Variants in CSMD3 observed in about 807,000 individuals in gnomAD.
CSMD3 encodes the protein CUB and Sushi multiple domains 3.
CSMD3 carries 177 observed loss-of-function variants against 435.2 expected under a neutral mutation model. The observed-to-expected ratio is 0.41, with a 90% CI of 0.36 to 0.46. CSMD3 has a LOEUF of 0.46. CSMD3 is among the 20% of genes least tolerant of loss of function. The pLI, the probability that CSMD3 is intolerant of heterozygous loss-of-function variation, is 0.34. For missense variants in CSMD3, 4,265 were observed against 4,504.6 expected (o/e 0.95, Z 1.52); for synonymous variants, 1,656 against 1,520.5 (o/e 1.09, Z -2.07).
At chr8:113,261,908 T>G (rs572775703) in intron 3 of CSMD3, among the ~76,000 whole-genome samples, 2 of 152,076 alleles carry the variant, frequency 1.3e-5, no homozygotes, top group Non-Finnish European at 2.9e-5. Context: ...GGATGTTGTA[T>G]CATTTGCTCC....
chr8:113,352,190 A>G (rs935291607), intron 1 of CSMD3, among the ~76,000 whole-genome samples: 10 of 152,082 alleles, frequency 6.6e-5, no homozygotes, highest in Admixed American at 5.2e-4. Context: ...TTTCAGATAT[A>G]ATTATAGTAA....
chr8:112,299,919 T>G (rs1174190592), intron 53 of CSMD3, among the ~76,000 whole-genome samples: 4 of 151,602 alleles, frequency 2.6e-5, no homozygotes, highest in African/African-American at 9.7e-5. Context: ...GCCCTGTCTT[T>G]CCAGAGAACA....
intron 30 of CSMD3, among the ~76,000 whole-genome samples, chr8:112,499,978 T>G (rs10098507): frequency 0.36 from 54,618 of 151,832 alleles, 10,072 homozygotes; most frequent in East Asian, 0.5. Flanking sequence ...GCATGGTGGC[T>G]CATGCCTGTA....
chr8:112,227,305 C>A (rs1339793927), intron 70 of CSMD3, among the ~76,000 whole-genome samples: 1 of 152,040 alleles, frequency 6.6e-6, no homozygotes, highest in Non-Finnish European at 1.5e-5. Flanking sequence ...GTTTAAGAAG[C>A]CAGATACAAA....
intron 5 of CSMD3, among the ~76,000 whole-genome samples, chr8:113,093,260 A>G (rs1347523328): frequency 6.6e-6 from 1 of 152,102 alleles, no homozygotes; most frequent in East Asian, 1.9e-4. Context: ...TGCATTCCAA[A>G]GTAGGGTGAA....
chr8:112,792,098 T>A (rs1342854840), intron 13 of CSMD3, among the ~76,000 whole-genome samples: 1 of 152,218 alleles, frequency 6.6e-6, no homozygotes, highest in African/African-American at 2.4e-5. Context: ...TTATTAAATA[T>A]GTTTCTGCAA....
intron 32 of CSMD3, among the ~76,000 whole-genome samples, chr8:112,453,146 A>C (rs1265993763): frequency 3.9e-5 from 6 of 152,160 alleles, no homozygotes; most frequent in Non-Finnish European, 7.4e-5. Flanking sequence ...CAGAACTGGG[A>C]TGAAAATCCA....
intron 17 of CSMD3, among the ~76,000 whole-genome samples, chr8:112,660,293 AG>A (rs937755950): frequency 2.0e-5 from 3 of 152,184 alleles, no homozygotes; most frequent in African/African-American, 7.2e-5. Context: ...CCACTGATCA[AG>A]GAAGTGATAG....
At chr8:113,238,776 A>T (rs2093178632) in intron 3 of CSMD3, among the ~76,000 whole-genome samples, 1 of 152,114 alleles carries the variant, frequency 6.6e-6, no homozygotes, top group African/African-American at 2.4e-5. Context: ...TCTATATGTG[A>T]TTCTTCCTAA....
intron 11 of CSMD3, among the ~76,000 whole-genome samples, chr8:112,839,239 C>T (rs2080112448): frequency 6.6e-6 from 1 of 151,612 alleles, no homozygotes. Flanking sequence ...GTGATAAAAG[C>T]TTTTAGCTTT....
Position 113,117,874 on chromosome 8 carries a change from A to G in CSMD3, c.710-18911T>C, listed in dbSNP as rs538769271. On this transcript the variant is annotated intron_variant, in intron 4 of 70. Transcript: ENST00000297405. ...CCCTTTGTTTTGGCCAATTTCTCCC[A>G]CTTGGAGCAGGCGTATTTGCCCAAT... Among the ~76,000 whole-genome samples the G allele has an allele frequency of 3.9e-4, 60 of 152,290 alleles. 1 individual carries two copies. The highest frequency in any genetic ancestry group is 1.4e-3 in the African/African-American group (58 of 41,572).
intron 1 of CSMD3, among the ~76,000 whole-genome samples, chr8:113,356,312 A>T (rs1027403626): frequency 6.6e-6 from 1 of 152,156 alleles, no homozygotes; most frequent in African/African-American, 2.4e-5. Context: ...GAGGAAAAAA[A>T]TTGGCTGCCC....
At chr8:112,407,888 A>G (rs1831998809) in intron 34 of CSMD3, among the ~76,000 whole-genome samples, 1 of 152,162 alleles carries the variant, frequency 6.6e-6, no homozygotes, top group Non-Finnish European at 1.5e-5. Context: ...TTCTCCTGAG[A>G]GAATGAGAAA....
chr8:112,448,005 C>T (rs1340762007), intron 32 of CSMD3, among the ~76,000 whole-genome samples: 1 of 152,092 alleles, frequency 6.6e-6, no homozygotes, highest in Non-Finnish European at 1.5e-5. Context: ...TAGATGAGGC[C>T]ATACTAGACC....
At chr8:113,352,655 G>T (rs551585728) in intron 1 of CSMD3, among the ~76,000 whole-genome samples, 1 of 152,120 alleles carries the variant, frequency 6.6e-6, no homozygotes, top group Non-Finnish European at 1.5e-5. Context: ...GACATTTTAA[G>T]ATTATACCAG....
chr8:112,805,564 G>C (rs934138015), intron 12 of CSMD3, among the ~76,000 whole-genome samples: 4 of 152,168 alleles, frequency 2.6e-5, no homozygotes, highest in African/African-American at 9.7e-5. Context: ...AGGTAAATGT[G>C]ATAAAGATGA....
chr8:112,694,739 C>A (rs2076214847), intron 13 of CSMD3, among the ~76,000 whole-genome samples: 1 of 151,968 alleles, frequency 6.6e-6, no homozygotes, highest in Admixed American at 6.6e-5. Context: ...TTTATAAAGT[C>A]TTAATCACCA....
At chr8:113,040,857 T>G (rs1165793187) in intron 5 of CSMD3, among the ~76,000 whole-genome samples, 1 of 152,044 alleles carries the variant, frequency 6.6e-6, no homozygotes, top group African/African-American at 2.4e-5. Context: ...AATAACTTGC[T>G]CCGCTTCTGG....
chr8:113,356,589 T>G (rs66529455), intron 1 of CSMD3, among the ~76,000 whole-genome samples: 15,104 of 152,220 alleles, frequency 0.099, 867 homozygotes, highest in Middle Eastern at 0.17. Flanking sequence ...TAAATGAAAT[T>G]TACTTGAACT....
Sources: allele counts gnomAD v4.1 joint callset (sites outside exome capture counted in the v4.1 genomes callset), GRCh38; gene constraint gnomAD v4.1.1; transcripts MANE v1.5; gene names NCBI Gene and HGNC (gene_info 2026-07-23, HGNC 2026-07-21).